Variants in TASP1 observed in about 807,000 individuals in gnomAD.
The protein encoded by TASP1 is taspase 1.
In TASP1, 16 loss-of-function variants were observed where a neutral mutation model predicts 56.6. That is an observed-to-expected ratio of 0.28 (90% CI 0.19 to 0.43). The LOEUF (loss-of-function observed/expected upper bound fraction) is 0.43. TASP1 is among the 20% of genes least tolerant of loss of function. The pLI, the probability that TASP1 is intolerant of heterozygous loss-of-function variation, is 1.00. For synonymous variants in TASP1, 179 were observed against 184.2 expected (o/e 0.97, Z 0.23); for missense variants, 393 against 511.6 (o/e 0.77, Z 2.24).
the TASP1 span, among the ~76,000 whole-genome samples, chr20:13,279,237 G>A: frequency 6.6e-6 from 1 of 152,164 alleles, no homozygotes; most frequent in Non-Finnish European, 1.5e-5. Flanking sequence ...TATCACTTCA[G>A]GAACAAATAT....
At chr20:13,524,666 T>C (rs2044901876) in intron 10 of TASP1, among the ~76,000 whole-genome samples, 1 of 152,196 alleles carries the variant, frequency 6.6e-6, no homozygotes, top group African/African-American at 2.4e-5. Flanking sequence ...TTTACTATAA[T>C]TTATCAATTC....
the TASP1 span, among the ~76,000 whole-genome samples, chr20:13,322,974 A>G: frequency 1.3e-5 from 2 of 152,196 alleles, no homozygotes; most frequent in African/African-American, 4.8e-5. Flanking sequence ...TTACTGTAGG[A>G]AGAGACAACA....
chr20:13,280,009 T>C, the TASP1 span: 3 of 1,068,050 alleles, frequency 2.8e-6, no homozygotes, highest in Admixed American at 5.3e-5. Flanking sequence ...TTTGGTCTTC[T>C]GTGAGGCAAA....
At chr20:13,151,314 T>G in the TASP1 span, among the ~76,000 whole-genome samples, 1 of 152,248 alleles carries the variant, frequency 6.6e-6, no homozygotes, top group Non-Finnish European at 1.5e-5. Context: ...ATATTTATTG[T>G]CTCTTTTTCA....
the TASP1 span, chr20:13,166,464 G>A: frequency 1.3e-5 from 2 of 152,214 alleles, no homozygotes; most frequent in African/African-American, 4.8e-5. Context: ...AATACCGTTA[G>A]TGAAAGAGGA....
intron 13 of TASP1, among the ~76,000 whole-genome samples, chr20:13,401,550 A>G (rs1344764375): frequency 6.6e-6 from 1 of 152,224 alleles, no homozygotes; most frequent in Non-Finnish European, 1.5e-5. Context: ...GTTACATCAT[A>G]AAATCAATGG....
chr20:13,113,243 T>C, the TASP1 span, among the ~76,000 whole-genome samples: 1 of 152,302 alleles, frequency 6.6e-6, no homozygotes, highest in African/African-American at 2.4e-5. Flanking sequence ...GTTAGGAATG[T>C]GAAGTCAATA....
chr20:13,433,538 AAAAT>A (rs982891739), intron 12 of TASP1, among the ~76,000 whole-genome samples: 4 of 150,152 alleles, frequency 2.7e-5, no homozygotes, highest in African/African-American at 1.0e-4. Context: ...AAAAAAAAAA[AAAAT>A]ACAGCTGGTG....
chr20:13,520,123 G>A (rs2044685423), intron 10 of TASP1, among the ~76,000 whole-genome samples: 1 of 152,132 alleles, frequency 6.6e-6, no homozygotes, highest in African/African-American at 2.4e-5. Context: ...AAATAAAACA[G>A]GATACAAACA....
intron 12 of TASP1, among the ~76,000 whole-genome samples, chr20:13,427,528 T>G (rs1306674050): frequency 6.6e-6 from 1 of 152,144 alleles, no homozygotes; most frequent in African/African-American, 2.4e-5. Flanking sequence ...ATATAAAGTT[T>G]AAAATCAAGG....
intron 8 of TASP1, among the ~76,000 whole-genome samples, chr20:13,545,318 C>T (rs911061227): frequency 5.3e-5 from 8 of 152,010 alleles, no homozygotes; most frequent in South Asian, 4.2e-4. Flanking sequence ...CCTAGAAAAT[C>T]GAATGTCATT....
At chr20:13,629,664 C>G (rs1238495369) in intron 2 of TASP1, among the ~76,000 whole-genome samples, 1 of 151,962 alleles carries the variant, frequency 6.6e-6, no homozygotes, top group Non-Finnish European at 1.5e-5. Context: ...TTTAATACTA[C>G]CTAACCTAAA....
At position 13,563,495 on chromosome 20, in the gene TASP1, T is replaced by C. The variant is rs560124144; in HGVS notation, c.569-4381A>G. 1.9e-4 allele frequency among the ~76,000 whole-genome samples: 29 copies of C among 152,204 alleles called. No individual in the cohort carries two copies. The East Asian group carries it at 4.6e-3, about 24-fold the overall frequency. ...TATCAACCAATACCCCTTATGAACG[T>C]TGATGCAAAATTCCTCAACAAAATA... On this transcript the variant is annotated intron_variant, in intron 7 of 13. Coordinates refer to ENST00000337743, the MANE Select transcript of TASP1 (RefSeq NM_017714.3).
At chr20:13,221,214 CT>C in the TASP1 span, among the ~76,000 whole-genome samples, 1 of 106,966 alleles carries the variant, frequency 9.3e-6, no homozygotes, top group African/African-American at 4.6e-5. Flanking sequence ...AGCTGAAGCC[CT>C]CCTACTCCTC....
In TASP1 at chr20:13,422,297, G is replaced by A. The variant is rs933230426; in HGVS notation, c.1097-4776C>T. Reference sequence around the variant, plus strand: ...AAACACTAGCCAAGAAGGGTTTAACGTTTTCCTGATGCTGGGTAACATGCC... The same window carrying A: ...AAACACTAGCCAAGAAGGGTTTAACATTTTCCTGATGCTGGGTAACATGCC... On this transcript the variant is annotated intron_variant, in intron 12 of 13. Transcript: ENST00000337743. Among the ~76,000 whole-genome samples the A allele has an allele frequency of 3.3e-5, 5 of 152,114 alleles. No individual in the cohort carries two copies. The East Asian group carries it at 5.8e-4, about 18-fold the overall frequency.
chr20:13,611,631 C>G (rs910603442), intron 4 of TASP1, among the ~76,000 whole-genome samples: 3 of 152,164 alleles, frequency 2.0e-5, no homozygotes, highest in Non-Finnish European at 4.4e-5. Flanking sequence ...ACCATACATT[C>G]ATTTCCCTGG....
chr20:13,276,021 C>G, the TASP1 span, among the ~76,000 whole-genome samples: 1 of 152,208 alleles, frequency 6.6e-6, no homozygotes, highest in South Asian at 2.1e-4. Context: ...CTTAGAGCAT[C>G]AGCAGGTGTG....
chr20:13,148,250 A>C, the TASP1 span, among the ~76,000 whole-genome samples: 2 of 152,096 alleles, frequency 1.3e-5, no homozygotes, highest in African/African-American at 4.8e-5. Flanking sequence ...TCTTCCCCTG[A>C]CCCAGCTGGT....
intron 6 of TASP1, 88 bp downstream of exon 6, chr20:13,580,809 G>T (rs1418017349): frequency 1.5e-6 from 2 of 1,302,186 alleles, no homozygotes; most frequent in Non-Finnish European, 2.2e-6. Context: ...GCAAAGGCAT[G>T]CTACCTGGTA....
Sources: gnomAD v4.1 joint callset for allele counts (sites outside exome capture counted in the v4.1 genomes callset) on GRCh38, gnomAD v4.1.1 for gene constraint, MANE v1.5 for transcripts, NCBI Gene and HGNC (gene_info 2026-07-23, HGNC 2026-07-21) for gene names.